SEC14L1: variants seen among roughly 807,000 people sequenced by gnomAD.
SEC14L1 encodes the protein SEC14-like protein 1.
SEC14L1 carries 48 observed loss-of-function variants against 85.3 expected under a neutral mutation model. That is an observed-to-expected ratio of 0.56 (90% confidence interval 0.45 to 0.72). The LOEUF is 0.72. Ranked by LOEUF, SEC14L1 falls within the 30% of genes least tolerant of loss-of-function variation. The pLI, the probability that SEC14L1 is intolerant of heterozygous loss-of-function variation, is 0.00. For missense variants in SEC14L1, 682 were observed against 921.4 expected, an observed-to-expected ratio of 0.74 and a Z score of 3.36; for synonymous variants, 391 against 355.5, an observed-to-expected ratio of 1.10 and a Z score of -1.12.
Position 77,141,105 on chromosome 17 carries a change from G to C in SEC14L1, c.-138G>C, listed in dbSNP as rs1298389264. ...GTCCCAGGCCCGGCCTTTCTGACAAGAGGTAGGCGCGTCGTCGCGGCGGGT... is the reference window on the plus strand; with the variant it reads ...GTCCCAGGCCCGGCCTTTCTGACAACAGGTAGGCGCGTCGTCGCGGCGGGT... On this transcript the variant is annotated splice_region_variant and 5_prime_UTR_variant, in exon 1 of 17. Transcript: ENST00000436233. 1 of 151,738 alleles carries C rather than the reference G, an allele frequency of 6.6e-6. No individual in the cohort carries two copies. The highest frequency in any genetic ancestry group is 1.5e-5 in the Non-Finnish European group (1 of 67,972). 9.4% of individuals were successfully genotyped at this position (151,738 alleles called of 1,614,324 possible).
chr17:77,134,088 C>T (rs746651223), intron 3 of SEC14L1, among the ~76,000 whole-genome samples: 2 of 152,112 alleles, frequency 1.3e-5, no homozygotes, highest in Non-Finnish European at 2.9e-5. Context: ...TCTTTCTCTG[C>T]TGCAGCGCTG....
At chr17:77,203,467 C>CT in intron 9 of SEC14L1, 103 bp from the exon 10 acceptor site, 1 of 1,010,532 alleles carries the variant, frequency 9.9e-7, no homozygotes. Flanking sequence ...TTAAGCGCCC[C>CT]TAGAACACAG....
At chr17:77,154,091 T>C (rs1973694895) in intron 3 of SEC14L1, among the ~76,000 whole-genome samples, 1 of 152,210 alleles carries the variant, frequency 6.6e-6, no homozygotes, top group Non-Finnish European at 1.5e-5. Flanking sequence ...AACAATAAAC[T>C]GTAATACAAA....
At chr17:77,127,140 C>T (rs1306653769) in intron 3 of SEC14L1, among the ~76,000 whole-genome samples, 1 of 151,922 alleles carries the variant, frequency 6.6e-6, no homozygotes, top group South Asian at 2.1e-4. Flanking sequence ...CCTCACCCCT[C>T]ACCCCCAACC....
At chr17:77,124,882 T>G (rs1231814032) in intron 3 of SEC14L1, among the ~76,000 whole-genome samples, 1 of 152,152 alleles carries the variant, frequency 6.6e-6, no homozygotes, top group African/African-American at 2.4e-5. Context: ...GGGGATCTGA[T>G]GTCTTCCATC....
intron 5 of SEC14L1, among the ~76,000 whole-genome samples, chr17:77,192,587 C>T (rs930790010): frequency 1.3e-5 from 2 of 152,114 alleles, no homozygotes; most frequent in African/African-American, 4.8e-5. Flanking sequence ...CTCCTCCCAT[C>T]TCGGCTCAGG....
intron 14 of SEC14L1, 154 bp from the exon 15 acceptor site, chr17:77,211,796 G>T: frequency 1.1e-6 from 1 of 928,808 alleles, no homozygotes; most frequent in Admixed American, 2.3e-5. Context: ...GGTGGTGTGT[G>T]ACTCTGGGGA....
chr17:77,096,093 C>T (rs1971635905), intron 3 of SEC14L1, among the ~76,000 whole-genome samples: 1 of 147,178 alleles, frequency 6.8e-6, no homozygotes, highest in South Asian at 2.2e-4. Flanking sequence ...GATGAGGTCT[C>T]ACTGTCTTGC....
intron 3 of SEC14L1, among the ~76,000 whole-genome samples, chr17:77,106,339 C>G (rs1223568251): frequency 6.6e-6 from 1 of 152,126 alleles, no homozygotes; most frequent in Non-Finnish European, 1.5e-5. Flanking sequence ...TGAGACCAGC[C>G]TGGCCAATAT....
chr17:77,136,351 CTTTCTT>C (rs1162217282), upstream of SEC14L1, among the ~76,000 whole-genome samples: 8 of 123,522 alleles, frequency 6.5e-5, no homozygotes, highest in Non-Finnish European at 1.3e-4. Flanking sequence ...CTTCCTTTCT[CTTTCTT>C]TTTTCTTTCT....
In SEC14L1 at chr17:77,214,492, A is replaced by C. The variant is rs3744063; in HGVS notation, c.*469A>C. Reference sequence around the variant, plus strand: ...GCCCGCACGCCGCCTCACGGCCCCCATGCTTCCCGCCAGTCAAGATGGTCT... The same window carrying C: ...GCCCGCACGCCGCCTCACGGCCCCCCTGCTTCCCGCCAGTCAAGATGGTCT... On this transcript the variant is annotated 3_prime_UTR_variant, in exon 17 of 17. Coordinates refer to ENST00000436233, the MANE Select transcript of SEC14L1 (RefSeq NM_001143998.2). 261,489 of 998,942 alleles carry C rather than the reference A, an allele frequency of 0.26. 35,580 individuals are homozygous for C. The highest frequency in any genetic ancestry group is 0.31 in the South Asian group (7,231 of 23,370). The allele number at this position is 998,942 out of a possible 1,614,324, so 61.9% of individuals were successfully genotyped here.
upstream of SEC14L1, among the ~76,000 whole-genome samples, chr17:77,136,911 CT>C (rs577567553): frequency 3.6e-3 from 515 of 141,994 alleles, no homozygotes; most frequent in African/African-American, 4.5e-3. Context: ...CTTTTTCTTT[CT>C]TTTTTTTTTT....
rs1403504713 is a variant in SEC14L1 at position 77,213,832 on chromosome 17, G to A, written c.2043-86G>A. On this transcript the variant is annotated intron_variant, in intron 16 of 16. Transcript: ENST00000436233. This position sits in a 1 kb window ranked among gnomAD's most constrained non-coding sequence, Gnocchi z 7.1. ...ATGAGAAGTGAGCAGAGAACAGGGT[G>A]GGCCACGAAGTCCAGCAGGCAGTGT... is the stretch of plus-strand genomic sequence containing the variant. 1 of 1,504,328 alleles carries A rather than the reference G, an allele frequency of 6.6e-7. No individual in the cohort carries two copies. Among genetic ancestry groups the A allele is most frequent in the Non-Finnish European group, 9.2e-7 (1 of 1,082,744 alleles). 93.2% of individuals were successfully genotyped at this position (1,504,328 alleles called of 1,614,324 possible). A position where few individuals can be genotyped will look rare whatever the true frequency, so the allele number is the denominator to read the frequency against.
At chr17:77,125,641 C>A (rs1187882022) in intron 3 of SEC14L1, among the ~76,000 whole-genome samples, 2 of 152,200 alleles carry the variant, frequency 1.3e-5, no homozygotes, top group Non-Finnish European at 2.9e-5. Context: ...CTGAATGTGT[C>A]CGTGGTTTGC....
intron 3 of SEC14L1, among the ~76,000 whole-genome samples, chr17:77,108,437 C>T (rs1971969703): frequency 6.6e-6 from 1 of 152,056 alleles, no homozygotes; most frequent in Non-Finnish European, 1.5e-5. Context: ...GGGACCCCAG[C>T]ATAGAATATG....
At position 77,216,528 on chromosome 17, in the gene SEC14L1, T is replaced by C. The variant is rs760553184; in HGVS notation, c.*2505T>C. 5 of 1,613,194 alleles carry C rather than the reference T, an allele frequency of 3.1e-6. No homozygotes were observed. Among genetic ancestry groups the C allele is most frequent in the Non-Finnish European group, 4.2e-6 (5 of 1,179,402 alleles). On this transcript the variant is annotated 3_prime_UTR_variant, in exon 17 of 17. Transcript: ENST00000436233. ...CCTGAAGGTGGTCCCTGCTTTCTCT[T>C]TCTCTTTCTCTGTGTCTCAGATGGC...
At position 77,176,011 on chromosome 17, in the gene SEC14L1, T is replaced by C. The variant is rs529041991; in HGVS notation, c.64-14792T>C. On this transcript the variant is annotated intron_variant, in intron 3 of 16. Transcript: ENST00000436233. Reference sequence around the variant, plus strand: ...TAGTGTAGAAAACCAATTAGGAGACTGGACATGGTGGCTCATGCCTGTAAT... The same window carrying C: ...TAGTGTAGAAAACCAATTAGGAGACCGGACATGGTGGCTCATGCCTGTAAT... Among the ~76,000 whole-genome samples the C allele has an allele frequency of 2.6e-5, 4 of 152,212 alleles. No individual in the cohort carries two copies. The East Asian group carries it at 7.7e-4, about 29-fold the overall frequency.
At position 77,205,283 on chromosome 17, in the gene SEC14L1, C is replaced by T; in HGVS notation, c.1106C>T (p.Ser369Phe). Residue 369 changes from serine to phenylalanine, a missense_variant, in exon 11 of 17, where the codon TCC (serine) becomes TTC (phenylalanine). This residue lies in a region of SEC14L1 where 420 missense variants were observed against 619.5 expected (regional missense o/e 0.68). Transcript: ENST00000436233. ...GEEALLRYVL[S>F]INEEGLRRCE... is the part of the protein sequence containing the mutation. Reference sequence around the variant, plus strand: ...ATGCCCTTTTGTATGTAGGTTCTCTCCATAAATGAAGAAGGGCTAAGGCGA... The same window carrying T: ...ATGCCCTTTTGTATGTAGGTTCTCTTCATAAATGAAGAAGGGCTAAGGCGA... The T allele has an allele frequency of 6.2e-7, 1 of 1,613,448 alleles. No individual in the cohort carries two copies. The highest frequency in any genetic ancestry group is 8.5e-7 in the Non-Finnish European group (1 of 1,179,486).
chr17:77,102,981 A>AT (rs1971813928), intron 3 of SEC14L1, among the ~76,000 whole-genome samples: 1 of 151,088 alleles, frequency 6.6e-6, no homozygotes, highest in Non-Finnish European at 1.5e-5. Flanking sequence ...TTGTTTTACT[A>AT]TTTTTTAGTA....
Sources: gnomAD v4.1 joint callset for allele counts (sites outside exome capture counted in the v4.1 genomes callset) on GRCh38, gnomAD v4.1.1 for gene constraint, gnomAD v4.1.1 regional missense constraint, Gnocchi (gnomAD v3.1) non-coding constraint, MANE v1.5 for transcripts, NCBI Gene and HGNC (gene_info 2026-07-23, HGNC 2026-07-21) for gene names.